The following SEMA3E variants were observed in gnomAD, a reference collection of about 807,000 sequenced individuals.
SEMA3E encodes the protein semaphorin-3E.
Under a neutral mutation model 93.6 loss-of-function variants are expected in SEMA3E, and 49 were observed. That is an observed-to-expected ratio of 0.52 (90% CI 0.42 to 0.66). The LOEUF (loss-of-function observed/expected upper bound fraction) is 0.66. Among genes scored for constraint, SEMA3E ranks in the 30% least tolerant of loss-of-function variants. SEMA3E has a pLI of 0.00. For missense variants in SEMA3E, 906 were observed against 964.8 expected (o/e 0.94, Z 0.81); for synonymous variants, 363 against 330.7 (o/e 1.10, Z -1.06).
chr7:83,444,405 A>G (rs1789182237), intron 4 of SEMA3E, among the ~76,000 whole-genome samples: 1 of 152,168 alleles, frequency 6.6e-6, no homozygotes, highest in African/African-American at 2.4e-5. Flanking sequence ...GTAGAGTTTT[A>G]TTTGTTAAAA....
chr7:83,379,700 G>T (rs899065773), intron 16 of SEMA3E, among the ~76,000 whole-genome samples: 1 of 151,756 alleles, frequency 6.6e-6, no homozygotes, highest in African/African-American at 2.4e-5. Context: ...CAGACTGTCT[G>T]GGCTCAAATG....
intron 1 of SEMA3E, among the ~76,000 whole-genome samples, chr7:83,551,472 G>A (rs1444624563): frequency 6.9e-6 from 1 of 144,844 alleles, no homozygotes; most frequent in Non-Finnish European, 1.5e-5. Flanking sequence ...AAAACAATAA[G>A]AGTGATAAAT....
chr7:83,541,229 G>A (rs1791524643), intron 1 of SEMA3E, among the ~76,000 whole-genome samples: 1 of 152,102 alleles, frequency 6.6e-6, no homozygotes, highest in Non-Finnish European at 1.5e-5. Flanking sequence ...TGGGTAGGTA[G>A]GACTCAACTA....
chr7:83,500,675 C>T (rs1790581689), intron 1 of SEMA3E, among the ~76,000 whole-genome samples: 1 of 139,950 alleles, frequency 7.1e-6, no homozygotes, highest in South Asian at 2.4e-4. Context: ...TCACTGCAAC[C>T]TCCGCCTCCC....
At chr7:83,526,917 G>GT (rs1562819564) in intron 1 of SEMA3E, among the ~76,000 whole-genome samples, 2 of 152,052 alleles carry the variant, frequency 1.3e-5, no homozygotes, top group African/African-American at 4.8e-5. Context: ...CCTGTTGGAG[G>GT]TTAATTGTGA....
chr7:83,600,183 A>G (rs1199882401), intron 1 of SEMA3E, among the ~76,000 whole-genome samples: 1 of 152,170 alleles, frequency 6.6e-6, no homozygotes, highest in East Asian at 1.9e-4. Context: ...GTTCATAAAA[A>G]TCCTTCCAAT....
chr7:83,371,147 G>C (rs969733909), intron 16 of SEMA3E, among the ~76,000 whole-genome samples: 1 of 152,174 alleles, frequency 6.6e-6, no homozygotes, highest in Non-Finnish European at 1.5e-5. Context: ...TTGGAATCAT[G>C]TGAAAGATCA....
At chr7:83,391,821 A>G (rs2250155) in intron 14 of SEMA3E, among the ~76,000 whole-genome samples, 148,173 of 152,258 alleles carry the variant, frequency 0.97, 72,234 homozygotes, top group East Asian at 1. Flanking sequence ...TTTTTCAGTA[A>G]GAAAATTGTC....
At chr7:83,453,520 A>G (rs1789408835) in intron 4 of SEMA3E, among the ~76,000 whole-genome samples, 1 of 152,158 alleles carries the variant, frequency 6.6e-6, no homozygotes, top group African/African-American at 2.4e-5. Flanking sequence ...AGAAACAAAC[A>G]AAACCATATA....
At chr7:83,627,878 T>C (rs1236547058) in intron 1 of SEMA3E, among the ~76,000 whole-genome samples, 1 of 152,166 alleles carries the variant, frequency 6.6e-6, no homozygotes, top group Non-Finnish European at 1.5e-5. Context: ...GCTGGTTATT[T>C]TGCCCGTTAG....
chr7:83,643,539 G>C (rs1794041096), intron 1 of SEMA3E, among the ~76,000 whole-genome samples: 1 of 151,802 alleles, frequency 6.6e-6, no homozygotes, highest in Non-Finnish European at 1.5e-5. Flanking sequence ...GCAACATCCA[G>C]ATAAGAATTT....
At chr7:83,636,642 A>G (rs567622986) in intron 1 of SEMA3E, among the ~76,000 whole-genome samples, 266 of 152,264 alleles carry the variant, frequency 1.7e-3, no homozygotes, top group African/African-American at 6.3e-3. Context: ...CCTCAAAGCC[A>G]TTTAGAAATG....
intron 1 of SEMA3E, among the ~76,000 whole-genome samples, chr7:83,585,529 A>G (rs921857477): frequency 2.0e-5 from 3 of 152,148 alleles, no homozygotes; most frequent in Admixed American, 2.0e-4. Context: ...TATTACATGA[A>G]GAATTTATAG....
chr7:83,641,587 A>G (rs778988010), intron 1 of SEMA3E, among the ~76,000 whole-genome samples: 1 of 152,228 alleles, frequency 6.6e-6, no homozygotes, highest in Non-Finnish European at 1.5e-5. Flanking sequence ...TCCTTAAAGT[A>G]TAAACAAAAT....
intron 1 of SEMA3E, among the ~76,000 whole-genome samples, chr7:83,625,595 G>A (rs763102625): frequency 3.9e-5 from 6 of 152,076 alleles, no homozygotes; most frequent in Non-Finnish European, 8.8e-5. Flanking sequence ...TCAGCTTAAG[G>A]AGTTTTTGAG....
At chr7:83,607,832 C>G (rs1230071875) in intron 1 of SEMA3E, among the ~76,000 whole-genome samples, 1 of 152,064 alleles carries the variant, frequency 6.6e-6, no homozygotes, top group African/African-American at 2.4e-5. Context: ...GCCTTGGAGA[C>G]CCATTCAGGA....
chr7:83,427,617 A>C (rs1039787093), intron 4 of SEMA3E, among the ~76,000 whole-genome samples: 1 of 152,198 alleles, frequency 6.6e-6, no homozygotes, highest in African/African-American at 2.4e-5. Context: ...TATATATTCC[A>C]GAAGGAAACT....
chr7:83,487,574 G>C (rs1562803512), intron 2 of SEMA3E, among the ~76,000 whole-genome samples: 1 of 151,696 alleles, frequency 6.6e-6, no homozygotes, highest in African/African-American at 2.4e-5. Flanking sequence ...AAGAAAAAGA[G>C]AGAGAAGAAA....
chr7:83,394,273 C>CCT (rs1788075537), intron 13 of SEMA3E, 24 bp downstream of exon 13: 1 of 3,502 alleles, frequency 2.9e-4, no homozygotes, highest in Non-Finnish European at 3.6e-3. Context: ...CACACACCTA[C>CCT]ACACACACAC....
Sources: gnomAD v4.1 joint callset for allele counts (sites outside exome capture counted in the v4.1 genomes callset) on GRCh38, gnomAD v4.1.1 for gene constraint, MANE v1.5 for transcripts, NCBI Gene and HGNC (gene_info 2026-07-23, HGNC 2026-07-21) for gene names.